The following PRMT2 variants were observed in gnomAD, a reference collection of about 807,000 sequenced individuals.
The protein encoded by PRMT2 is protein arginine N-methyltransferase 2.
PRMT2 carries 26 observed loss-of-function variants against 57.6 expected under a neutral mutation model. That is an observed-to-expected ratio of 0.45 (90% CI 0.33 to 0.63). The LOEUF (loss-of-function observed/expected upper bound fraction) is 0.63, where lower values mean the gene tolerates loss of function less well. Among genes scored for constraint, PRMT2 ranks in the 20% least tolerant of loss-of-function variants. PRMT2 has a pLI of 0.02. For synonymous variants in PRMT2, 219 were observed against 220.0 expected, an observed-to-expected ratio of 1.00 and a Z score of 0.04; for missense variants, 472 against 564.4, an observed-to-expected ratio of 0.84 and a Z score of 1.66.
chr21:46,646,773 G>T (rs940495720), intron 5 of PRMT2, among the ~76,000 whole-genome samples: 5 of 152,058 alleles, frequency 3.3e-5, no homozygotes, highest in African/African-American at 1.2e-4. Context: ...TTGCCAGTTC[G>T]CCCTCCAGAA....
intron 5 of PRMT2, among the ~76,000 whole-genome samples, chr21:46,646,993 A>G (rs2061374951): frequency 6.6e-6 from 1 of 152,168 alleles, no homozygotes; most frequent in African/African-American, 2.4e-5. Context: ...ACCCTTTCAT[A>G]GTAACCTCCA....
chr21:46,664,134 T>G (rs1216708369), intron 11 of PRMT2, among the ~76,000 whole-genome samples, 161 bp from the exon 12 acceptor site: 1 of 152,244 alleles, frequency 6.6e-6, no homozygotes, highest in Non-Finnish European at 1.5e-5. Context: ...ATATTTGTTT[T>G]GTGCTTTGCT....
intron 7 of PRMT2, chr21:46,653,108 T>G: frequency 1.0e-6 from 1 of 985,434 alleles, no homozygotes; most frequent in Non-Finnish European, 1.2e-6. Context: ...GTTATTCTCT[T>G]TAGCTCAAGG....
chr21:46,648,269 G>A lies in PRMT2; in HGVS notation c.328-189G>A. ...TGTGTATTATTACTGTTATAAGGGG[G>A]TGGGTGAAGTGTTCTCTAAATACCA... On this transcript the variant is annotated intron_variant, in intron 5 of 11. Coordinates refer to ENST00000355680, the MANE Select transcript of PRMT2 (RefSeq NM_206962.4). This position sits in a 1 kb window ranked among gnomAD's most constrained non-coding sequence, Gnocchi z 4.8. The A allele has an allele frequency of 5.3e-6, 3 of 563,148 alleles. No individual in the cohort carries two copies. The highest frequency in any genetic ancestry group is 4.9e-5 in the South Asian group (2 of 40,488). The allele number at this position is 563,148 out of a possible 1,614,324, so 34.9% of individuals were successfully genotyped here. A position where few individuals can be genotyped will look rare whatever the true frequency, so the allele number is the denominator to read the frequency against.
chr21:46,651,646 A>G (rs1569158015), intron 7 of PRMT2, among the ~76,000 whole-genome samples: 1 of 152,114 alleles, frequency 6.6e-6, no homozygotes, highest in Non-Finnish European at 1.5e-5. Flanking sequence ...CACCACCATC[A>G]TTACTCAGGC....
At chr21:46,654,163 T>G (rs1374369624) in intron 7 of PRMT2, 2 of 980,548 alleles carry the variant, frequency 2.0e-6, no homozygotes, top group African/African-American at 3.5e-5. Flanking sequence ...ATAATCAAAT[T>G]TGTACAGAAA....
chr21:46,644,894 G>A (rs531375488), intron 5 of PRMT2, among the ~76,000 whole-genome samples: 2 of 152,120 alleles, frequency 1.3e-5, no homozygotes, highest in Non-Finnish European at 2.9e-5. Flanking sequence ...ATGAGATTAT[G>A]TGCGTGCTCC....
chr21:46,651,754 G>A, intron 7 of PRMT2: 1 of 1,595,794 alleles, frequency 6.3e-7, no homozygotes, highest in African/African-American at 1.3e-5. Context: ...GGGAGGGTAT[G>A]AATCTGGGAG....
intron 3 of PRMT2, among the ~76,000 whole-genome samples, chr21:46,641,956 A>G (rs974182552): frequency 6.6e-6 from 1 of 152,172 alleles, no homozygotes; most frequent in South Asian, 2.1e-4. Flanking sequence ...GTAAAAAAAG[A>G]TGCCAGCAAG....
At chr21:46,663,293 G>C (rs2061658117) in intron 10 of PRMT2, 90 bp from the exon 11 acceptor site, 2 of 1,336,548 alleles carry the variant, frequency 1.5e-6, no homozygotes, top group Admixed American at 4.2e-5. Flanking sequence ...TTGGGGGCGA[G>C]AGCCAGTGCG....
At chr21:46,651,875 G>T in intron 7 of PRMT2, 1 of 1,612,856 alleles carries the variant, frequency 6.2e-7, no homozygotes, top group Non-Finnish European at 8.5e-7. Context: ...CGTCCTCCTG[G>T]CCTGCTGTCT....
chr21:46,661,787 C>G lies in PRMT2; in HGVS notation c.961-13C>G, dbSNP rs763244196. The G allele has an allele frequency of 7.3e-7, 1 of 1,369,336 alleles. No individual in the cohort carries two copies. Among genetic ancestry groups the G allele is most frequent in the Non-Finnish European group, 9.5e-7 (1 of 1,048,894 alleles). The allele number at this position is 1,369,336 out of a possible 1,614,324, so 84.8% of individuals were successfully genotyped here. A position where few individuals can be genotyped will look rare whatever the true frequency, so the allele number is the denominator to read the frequency against. ...GCGGTGCCCACGCGTGCCTTGTCAT[C>G]TGCTTGACCCAGACCCTGAGGGGCG... On this transcript the variant is annotated splice_polypyrimidine_tract_variant and intron_variant, in intron 9 of 11. Transcript: ENST00000355680.
chr21:46,637,010 C>G lies in PRMT2; in HGVS notation c.39+20C>G. ...TCGCAGGTAATTTCCGTTCCACTTC[C>G]TAAAAATCTGTGTTTAATGAATGTG... is the stretch of plus-strand genomic sequence containing the variant. On this transcript the variant is annotated intron_variant, in intron 3 of 11. Transcript: ENST00000355680. The G allele has an allele frequency of 1.2e-6, 2 of 1,612,410 alleles. No individual in the cohort carries two copies.
At chr21:46,658,300 G>C (rs74869222) in intron 7 of PRMT2, 10,982 of 156,900 alleles carry the variant, frequency 0.07, 557 homozygotes, top group Non-Finnish European at 0.1. Flanking sequence ...GCATGCCTGC[G>C]TGGCTTTCGG....
chr21:46,640,618 T>G (rs1370710014), intron 3 of PRMT2, among the ~76,000 whole-genome samples: 1 of 151,886 alleles, frequency 6.6e-6, no homozygotes, highest in African/African-American at 2.4e-5. Flanking sequence ...ATTTTTTGTA[T>G]TTTTAGTAGA....
Position 46,648,267 on chromosome 21 carries a change from G to T in PRMT2, c.328-191G>T. Reference sequence around the variant, plus strand: ...TTTGTGTATTATTACTGTTATAAGGGGGTGGGTGAAGTGTTCTCTAAATAC... The same window carrying T: ...TTTGTGTATTATTACTGTTATAAGGTGGTGGGTGAAGTGTTCTCTAAATAC... On this transcript the variant is annotated intron_variant, in intron 5 of 11. Transcript: ENST00000355680. The surrounding 1 kb of genome is among the most constrained non-coding windows in gnomAD (Gnocchi z 4.8). 1.8e-6 allele frequency: 1 copy of T among 558,494 alleles called. No homozygotes were observed. The highest frequency in any genetic ancestry group is 3.2e-6 in the Non-Finnish European group (1 of 314,114). 34.6% of individuals were successfully genotyped at this position (558,494 alleles called of 1,614,324 possible).
chr21:46,636,708 G>A (rs1337106239), intron 2 of PRMT2, among the ~76,000 whole-genome samples, 161 bp downstream of exon 2: 1 of 152,324 alleles, frequency 6.6e-6, no homozygotes, highest in South Asian at 2.1e-4. Flanking sequence ...CACACTATTT[G>A]AAGTTTATGA....
intron 3 of PRMT2, among the ~76,000 whole-genome samples, chr21:46,642,310 G>C (rs1448981766): frequency 6.6e-6 from 1 of 152,174 alleles, no homozygotes; most frequent in Non-Finnish European, 1.5e-5. Flanking sequence ...CTAGGAAACT[G>C]GATAGGTAAG....
intron 5 of PRMT2, among the ~76,000 whole-genome samples, chr21:46,645,160 G>A (rs1443191528): frequency 3.6e-4 from 3 of 8,448 alleles, no homozygotes; most frequent in African/African-American, 4.5e-4. Context: ...CCAGCTACTC[G>A]AGAGGCTGAA....
Sources: gnomAD v4.1 joint callset for allele counts (sites outside exome capture counted in the v4.1 genomes callset) on GRCh38, gnomAD v4.1.1 for gene constraint, Gnocchi (gnomAD v3.1) non-coding constraint, MANE v1.5 for transcripts, NCBI Gene and HGNC (gene_info 2026-07-23, HGNC 2026-07-21) for gene names.